The following RBPMS variants were observed in gnomAD, a reference collection of about 807,000 sequenced individuals.
The protein encoded by RBPMS is RNA-binding protein with multiple splicing.
Under a neutral mutation model 26.8 loss-of-function variants are expected in RBPMS, and 7 were observed. That is an observed-to-expected ratio of 0.26 (90% confidence interval 0.15 to 0.49). The LOEUF (loss-of-function observed/expected upper bound fraction) is 0.49. RBPMS is among the 20% of genes least tolerant of loss of function. The probability of loss-of-function intolerance (pLI) is 0.98; values close to 1 mark genes in which losing one functional copy is unlikely to be tolerated. For synonymous variants in RBPMS, 96 were observed against 93.3 expected, an observed-to-expected ratio of 1.03 and a Z score of -0.17; for missense variants, 186 against 250.0, an observed-to-expected ratio of 0.74 and a Z score of 1.73.
Position 30,384,937 on chromosome 8 carries a change from C to T in RBPMS, c.-156C>T. 4.6e-6 allele frequency: 2 copies of T among 437,502 alleles called. No homozygotes were observed. Among genetic ancestry groups the T allele is most frequent in the Non-Finnish European group, 7.7e-6 (2 of 260,328 alleles). The allele number at this position is 437,502 out of a possible 1,614,324, so 27.1% of individuals were successfully genotyped here. Reference sequence around the variant, plus strand: ...GCGGGAGCCCCAGCCCAACCCGAGCCCGACAGCCACTGCCCCGGCTCCAGC... The same window carrying T: ...GCGGGAGCCCCAGCCCAACCCGAGCTCGACAGCCACTGCCCCGGCTCCAGC... On this transcript the variant is annotated 5_prime_UTR_variant, in exon 1 of 9. Transcript: ENST00000397323. This position sits in a 1 kb window ranked among gnomAD's most constrained non-coding sequence, Gnocchi z 5.6.
chr8:30,544,189 T>C (rs1388745066), intron 5 of RBPMS, among the ~76,000 whole-genome samples: 1 of 152,194 alleles, frequency 6.6e-6, no homozygotes, highest in Non-Finnish European at 1.5e-5. Context: ...TGCAGGAAAT[T>C]CCCACTGTTT....
chr8:30,457,766 C>T (rs376263662), intron 1 of RBPMS, among the ~76,000 whole-genome samples: 2 of 151,726 alleles, frequency 1.3e-5, no homozygotes, highest in African/African-American at 4.8e-5. Context: ...TTAGTAGAGA[C>T]GGGGTTTCAC....
intron 5 of RBPMS, among the ~76,000 whole-genome samples, chr8:30,504,817 C>T (rs1424390040): frequency 6.6e-6 from 1 of 152,032 alleles, no homozygotes; most frequent in Non-Finnish European, 1.5e-5. Context: ...GACATCAGCT[C>T]GGTGGCTTTG....
intron 5 of RBPMS, among the ~76,000 whole-genome samples, chr8:30,533,929 C>A (rs1389595330): frequency 6.6e-6 from 1 of 151,920 alleles, no homozygotes; most frequent in Non-Finnish European, 1.5e-5. Context: ...GTCAGGAGTT[C>A]GAGACCAGCC....
intron 1 of RBPMS, among the ~76,000 whole-genome samples, chr8:30,445,802 G>A (rs62502004): frequency 4.0e-5 from 6 of 151,638 alleles, no homozygotes; most frequent in African/African-American, 7.3e-5. Flanking sequence ...CCTGAGTAGC[G>A]TGTAGTACAG....
rs543179349 is a variant in RBPMS at position 30,475,001 on chromosome 8, A to C, written c.144+145A>C. 15 of 619,950 alleles carry C rather than the reference A, an allele frequency of 2.4e-5. No individual in the cohort carries two copies. The East Asian group carries it at 4.1e-4, about 17-fold the overall frequency. 38.4% of individuals were successfully genotyped at this position (619,950 alleles called of 1,614,324 possible). On this transcript the variant is annotated intron_variant, in intron 2 of 8. Coordinates refer to ENST00000397323, the MANE Select transcript of RBPMS (RefSeq NM_001008710.3). ...ATGAGTAAAGGAGATTTAACAACTGAGTTCTAATGTACAGTCTCACTTAGG... is the reference window on the plus strand; with the variant it reads ...ATGAGTAAAGGAGATTTAACAACTGCGTTCTAATGTACAGTCTCACTTAGG...
Position 30,434,776 on chromosome 8 carries a change from A to AC in RBPMS, c.67-40003_67-40002insC, listed in dbSNP as rs1563314990. The stretch of plus-strand genomic sequence containing the variant: ...GAAATAACAGGAGTTATTCCCATAT[A>AC]ACACACACACACACACACACACACA... On this transcript the variant is annotated intron_variant, in intron 1 of 8. Coordinates refer to ENST00000397323, the MANE Select transcript of RBPMS (RefSeq NM_001008710.3). 1.2e-3 allele frequency among the ~76,000 whole-genome samples: 175 copies of AC among 147,526 alleles called. 1 individual carries two copies. Among genetic ancestry groups the AC allele is most frequent in the African/African-American group, 4.2e-3 (168 of 39,842 alleles).
chr8:30,557,584 T>C (rs1827056178), intron 6 of RBPMS, among the ~76,000 whole-genome samples: 1 of 152,196 alleles, frequency 6.6e-6, no homozygotes, highest in Admixed American at 6.5e-5. Flanking sequence ...CACCTCCATT[T>C]CAGCCAGAAT....
At chr8:30,418,095 T>C (rs1284647446) in intron 1 of RBPMS, among the ~76,000 whole-genome samples, 1 of 152,236 alleles carries the variant, frequency 6.6e-6, no homozygotes, top group Non-Finnish European at 1.5e-5. Flanking sequence ...ACTTGTTTAA[T>C]ATTGAGATTC....
At chr8:30,445,639 T>A (rs1424311203) in intron 1 of RBPMS, among the ~76,000 whole-genome samples, 5 of 120,362 alleles carry the variant, frequency 4.2e-5, no homozygotes, top group Non-Finnish European at 8.5e-5. Context: ...CATATGTAGA[T>A]ATACACACGG....
rs1828245940 is a variant in RBPMS, at chr8:30,571,392, A to AC, written c.*869dup. 3 of 152,240 alleles carry AC rather than the reference A, an allele frequency of 2.0e-5. No individual in the cohort carries two copies. The South Asian group carries it at 6.2e-4, about 32-fold the overall frequency. The allele number at this position is 152,240 out of a possible 1,614,324, so 9.4% of individuals were successfully genotyped here. ...TGTGTAGCCACTCGATGCCTAACCT[A>AC]CCTTCCACAAGCCAGCCCCGCATCC... On this transcript the variant is annotated 3_prime_UTR_variant, in exon 9 of 9. Coordinates refer to ENST00000397323, the MANE Select transcript of RBPMS (RefSeq NM_001008710.3).
At chr8:30,549,824 CTCTT>C (rs745894795) in intron 6 of RBPMS, among the ~76,000 whole-genome samples, 21 of 126,142 alleles carry the variant, frequency 1.7e-4, no homozygotes, top group African/African-American at 6.4e-4. Flanking sequence ...CTCTCTCTCT[CTCTT>C]TTCTTTCTTT....
chr8:30,478,501 AT>A (rs199724683), intron 3 of RBPMS, among the ~76,000 whole-genome samples: 293 of 139,708 alleles, frequency 2.1e-3, no homozygotes, highest in Middle Eastern at 3.8e-3. Flanking sequence ...TAAGAATATG[AT>A]TTTTTTTTTT....
intron 5 of RBPMS, among the ~76,000 whole-genome samples, chr8:30,516,154 C>T (rs1357608154): frequency 1.3e-5 from 2 of 152,230 alleles, no homozygotes; most frequent in South Asian, 2.1e-4. Context: ...CCGAGGAGGG[C>T]GGATTACTTG....
intron 1 of RBPMS, 30 bp from the exon 2 acceptor site, chr8:30,474,749 C>T: frequency 7.1e-7 from 1 of 1,398,904 alleles, no homozygotes; most frequent in Non-Finnish European, 1.0e-6. Context: ...TGTCCACACC[C>T]TTGATCACTT....
chr8:30,548,922 G>C (rs185097468), intron 6 of RBPMS, among the ~76,000 whole-genome samples: 1 of 152,210 alleles, frequency 6.6e-6, no homozygotes, highest in African/African-American at 2.4e-5. Context: ...CTTTGGTGTC[G>C]GGTATGTTTT....
chr8:30,449,369 CTTTTTTTTTTT>C (rs5890522), intron 1 of RBPMS, among the ~76,000 whole-genome samples: 4 of 106,480 alleles, frequency 3.8e-5, no homozygotes, highest in African/African-American at 1.6e-4. Flanking sequence ...CACATCTCCT[CTTTTTTTTTTT>C]TTTTTTTTTT....
In RBPMS at chr8:30,440,716, A is replaced by G. The variant is rs534949561; in HGVS notation, c.67-34063A>G. 4.6e-5 allele frequency among the ~76,000 whole-genome samples: 7 copies of G among 152,020 alleles called. 2 individuals carry two copies. Among genetic ancestry groups the G allele is most frequent in the African/African-American group, 1.7e-4 (7 of 41,436 alleles). ...TGTTTTTGATTTTTTGAGGTTCTCC[A>G]TAGCAGCTTGCATTCCCAACAACAG... On this transcript the variant is annotated intron_variant, in intron 1 of 8. Transcript: ENST00000397323.
At chr8:30,530,543 C>T (rs1031457026) in intron 5 of RBPMS, among the ~76,000 whole-genome samples, 4 of 152,066 alleles carry the variant, frequency 2.6e-5, no homozygotes, top group African/African-American at 9.7e-5. Flanking sequence ...GCTCACTGCA[C>T]CATCCGCTTC....
Sources: gnomAD v4.1 joint callset for allele counts (sites outside exome capture counted in the v4.1 genomes callset) on GRCh38, gnomAD v4.1.1 for gene constraint, Gnocchi (gnomAD v3.1) non-coding constraint, MANE v1.5 for transcripts, NCBI Gene and HGNC (gene_info 2026-07-23, HGNC 2026-07-21) for gene names.